The following MAP3K13 variants were observed in gnomAD, a reference collection of about 807,000 sequenced individuals.
The protein encoded by MAP3K13 is leucine zipper-bearing kinase.
In MAP3K13, 52 loss-of-function variants were observed where a neutral mutation model predicts 104.0. The observed-to-expected ratio is 0.50, with a 90% CI of 0.40 to 0.63. The LOEUF (loss-of-function observed/expected upper bound fraction) is 0.63, where lower values mean the gene tolerates loss of function less well. Among genes scored for constraint, MAP3K13 ranks in the 20% least tolerant of loss-of-function variants. The pLI is 0.00. For synonymous variants in MAP3K13, 394 were observed against 442.2 expected (o/e 0.89, Z 1.37); for missense variants, 914 against 1,218.5 (o/e 0.75, Z 3.72).
intron 2 of MAP3K13, among the ~76,000 whole-genome samples, chr3:185,433,714 C>G (rs1480696454): frequency 6.6e-6 from 1 of 152,144 alleles, no homozygotes; most frequent in African/African-American, 2.4e-5. Flanking sequence ...ATAATCAAGA[C>G]TTGGCTGAAC....
chr3:185,332,368 T>C (rs546801864), intron 2 of MAP3K13, among the ~76,000 whole-genome samples: 61 of 152,348 alleles, frequency 4.0e-4, no homozygotes, highest in Admixed American at 1.5e-3. Context: ...AAATTTGTGT[T>C]GAAGTTTTAA....
chr3:185,451,835 C>A (rs1384124089), intron 7 of MAP3K13, among the ~76,000 whole-genome samples: 1 of 149,684 alleles, frequency 6.7e-6, no homozygotes, highest in African/African-American at 2.5e-5. Context: ...CCATTGTACT[C>A]CAGCCTGGGC....
chr3:185,363,662 C>A (rs955304191), intron 1 of MAP3K13, among the ~76,000 whole-genome samples: 2 of 152,198 alleles, frequency 1.3e-5, no homozygotes, highest in Admixed American at 1.3e-4. Flanking sequence ...AGATTCATTT[C>A]TCTGAGAGAT....
At chr3:185,462,759 C>G (rs879829624) in intron 7 of MAP3K13, among the ~76,000 whole-genome samples, 4 of 152,072 alleles carry the variant, frequency 2.6e-5, no homozygotes, top group Non-Finnish European at 5.9e-5. Flanking sequence ...GGTGACAGAG[C>G]GAGACTCCGT....
chr3:185,324,351 A>T (rs959969104), intron 2 of MAP3K13, among the ~76,000 whole-genome samples: 1 of 151,910 alleles, frequency 6.6e-6, no homozygotes, highest in Non-Finnish European at 1.5e-5. Flanking sequence ...AGCCATTTAT[A>T]TTTCTTCTCT....
rs572121978 is a variant in MAP3K13, at chr3:185,328,406, C to T, written c.-86+42763C>T. Among the ~76,000 whole-genome samples, 571 of 152,204 alleles carry T rather than the reference C, an allele frequency of 3.8e-3. 5 individuals carry two copies. The highest frequency in any genetic ancestry group is 0.013 in the African/African-American group (552 of 41,532). Reference sequence around the variant, plus strand: ...CTGGGATTACAGGCACCCACCACCACACCCAGCTAATTTTTGTATTTTTAA... The same window carrying T: ...CTGGGATTACAGGCACCCACCACCATACCCAGCTAATTTTTGTATTTTTAA... On this transcript the variant is annotated intron_variant, in intron 2 of 14. Transcript: ENST00000424227.
At chr3:185,453,547 G>A (rs1326547460) in intron 7 of MAP3K13, among the ~76,000 whole-genome samples, 1 of 151,840 alleles carries the variant, frequency 6.6e-6, no homozygotes, top group African/African-American at 2.4e-5. Flanking sequence ...GAGGCGGGCA[G>A]ATCACGAGGT....
chr3:185,480,118 T>G, intron 12 of MAP3K13, 114 bp from the exon 13 acceptor site: 1 of 991,116 alleles, frequency 1.0e-6, no homozygotes, highest in South Asian at 1.6e-5. Context: ...TTCTTAGGCC[T>G]CCTTGATGGC....
At chr3:185,285,838 T>A (rs1204004843) in intron 2 of MAP3K13, among the ~76,000 whole-genome samples, 1 of 152,204 alleles carries the variant, frequency 6.6e-6, no homozygotes, top group East Asian at 1.9e-4. Context: ...ATAAGAAATT[T>A]AAGATTGGCA....
intron 2 of MAP3K13, among the ~76,000 whole-genome samples, chr3:185,430,776 A>T (rs12629174): frequency 0.061 from 9,327 of 152,244 alleles, 463 homozygotes; most frequent in East Asian, 0.22. Context: ...ATAACCATTA[A>T]TGTTTTCATT....
chr3:185,413,386 A>G (rs963282053), intron 1 of MAP3K13, among the ~76,000 whole-genome samples: 32 of 152,238 alleles, frequency 2.1e-4, no homozygotes, highest in Non-Finnish European at 3.7e-4. Flanking sequence ...CACTAGCCAC[A>G]TGTGGCTAGT....
At chr3:185,447,397 A>G (rs1715647751) in intron 4 of MAP3K13, among the ~76,000 whole-genome samples, 1 of 149,708 alleles carries the variant, frequency 6.7e-6, no homozygotes, top group African/African-American at 2.5e-5. Flanking sequence ...AGGCTGGGGC[A>G]AGGAGAAAAT....
At position 185,480,293 on chromosome 3, in the gene MAP3K13, G is replaced by C. The variant is rs1294572399; in HGVS notation, c.2563G>C (p.Val855Leu). 2.5e-6 allele frequency: 4 copies of C among 1,614,208 alleles called. No homozygotes were observed. The highest frequency in any genetic ancestry group is 3.4e-6 in the Non-Finnish European group (4 of 1,180,036). Reference sequence around the variant, plus strand: ...AACCTTTAGCTCTGAGAATTTCTCTGTGTCTGATGGAGAAGAGGGAAATAC... The same window carrying C: ...AACCTTTAGCTCTGAGAATTTCTCTCTGTCTGATGGAGAAGAGGGAAATAC... Reference protein sequence around the residue: ...YSTFSSENFSVSDGEEGNTSD... With the variant: ...YSTFSSENFSLSDGEEGNTSD... Residue 855 changes from valine to leucine, a missense_variant, in exon 13 of 14, where the codon GTG becomes CTG. Val to Leu is a conservative substitution (Grantham distance 32). Transcript: ENST00000265026.
intron 2 of MAP3K13, chr3:185,329,150 A>G: frequency 1.4e-6 from 1 of 694,208 alleles, no homozygotes; most frequent in Non-Finnish European, 2.6e-6. Context: ...GAAAGCCGTG[A>G]GGTGTATCAG....
At chr3:185,395,186 C>T (rs1712307024) in intron 1 of MAP3K13, among the ~76,000 whole-genome samples, 1 of 151,740 alleles carries the variant, frequency 6.6e-6, no homozygotes, top group African/African-American at 2.4e-5. Context: ...CTTTGCTTTT[C>T]TCTCTTTCTT....
In MAP3K13 at chr3:185,370,951, C is replaced by T. The variant is rs950156840; in HGVS notation, c.-86+7583C>T. Reference sequence around the variant, plus strand: ...CACTACCTCCTTTTGTCTTCTAACTCGAGCTGAAGTTAGATGAAGGATGAA... The same window carrying T: ...CACTACCTCCTTTTGTCTTCTAACTTGAGCTGAAGTTAGATGAAGGATGAA... On this transcript the variant is annotated intron_variant, in intron 1 of 13. Coordinates refer to ENST00000265026, the MANE Select transcript of MAP3K13 (RefSeq NM_004721.5). 1.3e-4 allele frequency among the ~76,000 whole-genome samples: 20 copies of T among 152,038 alleles called. No individual in the cohort carries two copies. The South Asian group carries it at 2.5e-3, about 19-fold the overall frequency.
intron 7 of MAP3K13, among the ~76,000 whole-genome samples, chr3:185,454,493 TAC>T (rs1716177935): frequency 9.7e-6 from 1 of 103,564 alleles, no homozygotes; most frequent in African/African-American, 4.1e-5. Flanking sequence ...ATGATATATA[TAC>T]ATATATATGA....
intron 2 of MAP3K13, among the ~76,000 whole-genome samples, chr3:185,293,799 A>AT (rs917288761): frequency 4.0e-5 from 6 of 151,892 alleles, no homozygotes; most frequent in African/African-American, 1.2e-4. Flanking sequence ...GAGACTCAGC[A>AT]TTTTTTTTCA....
At chr3:185,347,178 G>C (rs113154480) in intron 2 of MAP3K13, among the ~76,000 whole-genome samples, 1,792 of 151,786 alleles carry the variant, frequency 0.012, 38 homozygotes, top group African/African-American at 0.041. Context: ...GTAGAGACGG[G>C]GTTTCACCAT....
Sources: gnomAD v4.1 joint callset for allele counts (sites outside exome capture counted in the v4.1 genomes callset) on GRCh38, gnomAD v4.1.1 for gene constraint, MANE v1.5 for transcripts, NCBI Gene and HGNC (gene_info 2026-07-23, HGNC 2026-07-21) for gene names.